The following OCA2 variants were observed in gnomAD, a reference collection of about 807,000 sequenced individuals.
OCA2 encodes the protein P protein.
Under a neutral mutation model 100.2 loss-of-function variants are expected in OCA2, and 77 were observed. The ratio of observed to expected loss-of-function variants is 0.77; its 90% CI spans 0.64 to 0.93. The LOEUF is 0.93. Among genes scored for constraint, OCA2 ranks in the 40% least tolerant of loss-of-function variants. The probability of loss-of-function intolerance (pLI) is 0.00; values close to 1 mark genes in which losing one functional copy is unlikely to be tolerated. For missense variants in OCA2, 1,062 were observed against 1,089.1 expected (o/e 0.98, Z 0.35); for synonymous variants, 432 against 439.2 (o/e 0.98, Z 0.21).
Position 27,857,787 on chromosome 15 carries a change from A to G in OCA2, c.2245-6312T>C, listed in dbSNP as rs181084172. 8.6e-4 allele frequency among the ~76,000 whole-genome samples: 131 copies of G among 152,294 alleles called. 1 individual carries two copies. Among genetic ancestry groups the G allele is most frequent in the Non-Finnish European group, 1.5e-3 (102 of 68,026 alleles). ...CAGGAAAAATATTTAATAGGCATTC[A>G]GCTAATAAAGATGTAATCTATGAAG... On this transcript the variant is annotated intron_variant, in intron 21 of 23. Transcript: ENST00000354638.
intron 19 of OCA2, among the ~76,000 whole-genome samples, chr15:27,906,364 C>A (rs1376649899): frequency 2.6e-5 from 4 of 151,616 alleles, no homozygotes; most frequent in African/African-American, 9.7e-5. Flanking sequence ...TTAAAAGATG[C>A]CCAAAAGACA....
chr15:27,852,350 G>A (rs933987267), intron 21 of OCA2, among the ~76,000 whole-genome samples: 14 of 152,098 alleles, frequency 9.2e-5, no homozygotes, highest in Non-Finnish European at 1.6e-4. Context: ...TCTCAGGTTT[G>A]TCAAAGATCA....
chr15:27,997,863 A>G (rs148497826), intron 9 of OCA2, among the ~76,000 whole-genome samples: 56,308 of 109,010 alleles, frequency 0.52, 18,318 homozygotes, highest in Non-Finnish European at 0.76. Context: ...TTGAGCAGTG[A>G]TTTGTAGTTC....
At chr15:27,915,815 T>C (rs1408453453) in intron 19 of OCA2, among the ~76,000 whole-genome samples, 1 of 151,950 alleles carries the variant, frequency 6.6e-6, no homozygotes, top group Admixed American at 6.6e-5. Context: ...CCTCAAAGAA[T>C]ACCATTCAGC....
intron 16 of OCA2, 22 bp from the exon 17 acceptor site, chr15:27,955,237 T>C (rs1351371287): frequency 6.4e-7 from 1 of 1,570,900 alleles, no homozygotes; most frequent in Non-Finnish European, 8.8e-7. Context: ...AAGAAGAGAC[T>C]CATTACTTCC....
intron 21 of OCA2, among the ~76,000 whole-genome samples, chr15:27,854,841 C>T (rs569303185): frequency 1.1e-4 from 16 of 152,222 alleles, no homozygotes; most frequent in African/African-American, 3.6e-4. Context: ...GCACGCCACC[C>T]GGAACAAGGA....
chr15:28,005,070 G>A (rs1010443279), intron 9 of OCA2, among the ~76,000 whole-genome samples: 1 of 152,088 alleles, frequency 6.6e-6, no homozygotes, highest in Non-Finnish European at 1.5e-5. Context: ...CTGCCCCTGC[G>A]AGCTGGACCG....
intron 23 of OCA2, among the ~76,000 whole-genome samples, chr15:27,790,770 T>G (rs926195772): frequency 4.0e-5 from 6 of 150,188 alleles, no homozygotes; most frequent in Admixed American, 1.3e-4. Flanking sequence ...TATTCAATTA[T>G]ACCTCAATTA....
intron 2 of OCA2, among the ~76,000 whole-genome samples, chr15:28,045,073 T>C (rs904511932): frequency 6.6e-6 from 1 of 152,184 alleles, no homozygotes; most frequent in South Asian, 2.1e-4. Context: ...AAATCTACCA[T>C]CTTGATACTT....
At chr15:27,917,062 G>T (rs1396956544) in intron 19 of OCA2, among the ~76,000 whole-genome samples, 1 of 152,142 alleles carries the variant, frequency 6.6e-6, no homozygotes, top group African/African-American at 2.4e-5. Flanking sequence ...GGGGAGCTGG[G>T]TGTGTGAGAT....
the OCA2 span, among the ~76,000 whole-genome samples, chr15:27,723,794 G>C: frequency 6.6e-6 from 1 of 152,188 alleles, no homozygotes; most frequent in Admixed American, 6.5e-5. Context: ...TGAGGTGCTT[G>C]TTCACAGTAA....
At chr15:27,955,591 T>C (rs2040196226) in intron 16 of OCA2, among the ~76,000 whole-genome samples, 1 of 152,180 alleles carries the variant, frequency 6.6e-6, no homozygotes, top group Non-Finnish European at 1.5e-5. Context: ...GTTTCCAAAA[T>C]GAGGGCACTG....
At chr15:28,073,561 A>G (rs1473216068) in intron 2 of OCA2, among the ~76,000 whole-genome samples, 2 of 152,220 alleles carry the variant, frequency 1.3e-5, no homozygotes, top group Non-Finnish European at 2.9e-5. Context: ...ACACATGGAC[A>G]TGAGTGTAGG....
At chr15:27,977,643 TTG>T (rs2041012502) in intron 14 of OCA2, among the ~76,000 whole-genome samples, 1 of 152,188 alleles carries the variant, frequency 6.6e-6, no homozygotes, top group Non-Finnish European at 1.5e-5. Context: ...CGGGACTGAA[TTG>T]TGTTTCCCCG....
intron 2 of OCA2, among the ~76,000 whole-genome samples, chr15:28,050,268 G>A (rs1014562810): frequency 2.6e-5 from 4 of 152,094 alleles, no homozygotes; most frequent in African/African-American, 7.2e-5. Flanking sequence ...CTGGGCAACA[G>A]AGCAAGACCT....
chr15:27,968,228 G>A (rs1011228702), intron 14 of OCA2, among the ~76,000 whole-genome samples: 3 of 152,200 alleles, frequency 2.0e-5, no homozygotes, highest in Non-Finnish European at 2.9e-5. Flanking sequence ...GACAGATGAG[G>A]CTCTTATCCC....
intron 23 of OCA2, among the ~76,000 whole-genome samples, chr15:27,819,573 A>G (rs1490559057): frequency 6.6e-6 from 1 of 152,172 alleles, no homozygotes; most frequent in East Asian, 1.9e-4. Flanking sequence ...GATGATGGGA[A>G]TTAGGTTTCT....
chr15:27,902,181 A>T (rs1394826608), intron 19 of OCA2, among the ~76,000 whole-genome samples: 1 of 151,334 alleles, frequency 6.6e-6, no homozygotes, highest in African/African-American at 2.4e-5. Flanking sequence ...AATATCTGCA[A>T]ATTTTGAAGT....
At chr15:28,092,382 GTC>G (rs2044885087) in intron 1 of OCA2, among the ~76,000 whole-genome samples, 2 of 152,014 alleles carry the variant, frequency 1.3e-5, no homozygotes, top group Non-Finnish European at 2.9e-5. Flanking sequence ...TTGAAACAGG[GTC>G]TCTCTCTGTA....
Sources: gnomAD v4.1 joint callset for allele counts (sites outside exome capture counted in the v4.1 genomes callset) on GRCh38, gnomAD v4.1.1 for gene constraint, MANE v1.5 for transcripts, NCBI Gene and HGNC (gene_info 2026-07-23, HGNC 2026-07-21) for gene names.